Variants in VTI1A observed in about 807,000 individuals in gnomAD.
The protein encoded by VTI1A is vesicle transport through interaction with t-SNAREs 1A, also known as vesicle transport through interaction with t-SNAREs homolog 1A.
Under a neutral mutation model 34.9 loss-of-function variants are expected in VTI1A, and 22 were observed. That is an observed-to-expected ratio of 0.63 (90% CI 0.45 to 0.90). VTI1A has a LOEUF of 0.90. Among genes scored for constraint, VTI1A ranks in the 40% least tolerant of loss-of-function variants. The probability of loss-of-function intolerance (pLI) is 0.00; values close to 1 mark genes in which losing one functional copy is unlikely to be tolerated. For missense variants in VTI1A, 268 were observed against 275.6 expected, an observed-to-expected ratio of 0.97 and a Z score of 0.20; for synonymous variants, 87 against 97.3, an observed-to-expected ratio of 0.89 and a Z score of 0.62.
intron 5 of VTI1A, among the ~76,000 whole-genome samples, chr10:112,572,784 A>C (rs1852189284): frequency 6.6e-6 from 1 of 150,514 alleles, no homozygotes; most frequent in Admixed American, 6.7e-5. Flanking sequence ...GCTTGCAGTG[A>C]GCCGAGATCG....
intron 5 of VTI1A, among the ~76,000 whole-genome samples, chr10:112,572,748 A>T (rs1372114769): frequency 2.0e-5 from 3 of 151,694 alleles, no homozygotes; most frequent in Non-Finnish European, 2.9e-5. Flanking sequence ...TGAAGGCAGG[A>T]GAACGGCGTG....
chr10:112,844,349 C>T, the VTI1A span, among the ~76,000 whole-genome samples: 6 of 152,204 alleles, frequency 3.9e-5, no homozygotes, highest in Admixed American at 6.5e-5. Flanking sequence ...GAGAACCAAA[C>T]ATGAAGCCTG....
At chr10:112,449,101 C>G (rs1847126203) in intron 1 of VTI1A, 1 of 152,216 alleles carries the variant, frequency 6.6e-6, no homozygotes, top group African/African-American at 2.4e-5. Context: ...CATGATACAT[C>G]ACCTCGCCTC....
chr10:112,790,269 G>A (rs542655704), intron 7 of VTI1A, among the ~76,000 whole-genome samples: 31 of 152,312 alleles, frequency 2.0e-4, no homozygotes, highest in African/African-American at 7.5e-4. Context: ...AGTGATCTGT[G>A]TGTGGGTTGC....
intron 5 of VTI1A, chr10:112,548,648 T>C: frequency 9.1e-7 from 1 of 1,094,206 alleles, no homozygotes; most frequent in East Asian, 2.4e-5. Context: ...CTGAGCTTTC[T>C]GGGAAGACTT....
intron 5 of VTI1A, chr10:112,548,891 T>C: frequency 1.6e-6 from 2 of 1,233,980 alleles, no homozygotes; most frequent in Non-Finnish European, 2.3e-6. Context: ...TAAAAAATCA[T>C]TTTAGAAGTT....
intron 7 of VTI1A, among the ~76,000 whole-genome samples, chr10:112,806,309 G>C (rs529915590): frequency 6.6e-6 from 1 of 151,804 alleles, no homozygotes; most frequent in Admixed American, 6.6e-5. Flanking sequence ...TTTTTGAGAC[G>C]GAGTCTCACT....
At chr10:112,660,919 T>G (rs1398732258) in intron 5 of VTI1A, among the ~76,000 whole-genome samples, 1 of 152,214 alleles carries the variant, frequency 6.6e-6, no homozygotes, top group East Asian at 1.9e-4. Context: ...TATCACTATT[T>G]TTATTTTAAA....
At chr10:112,681,430 C>T (rs1408193045) in intron 7 of VTI1A, among the ~76,000 whole-genome samples, 1 of 152,146 alleles carries the variant, frequency 6.6e-6, no homozygotes, top group Non-Finnish European at 1.5e-5. Flanking sequence ...AGACAGCAGA[C>T]CAAATCCAGC....
intron 7 of VTI1A, among the ~76,000 whole-genome samples, chr10:112,789,620 T>G (rs1161962148): frequency 6.6e-6 from 1 of 152,198 alleles, no homozygotes; most frequent in African/African-American, 2.4e-5. Context: ...TCATCAGTCT[T>G]TTTTCCTTTT....
chr10:112,730,203 G>C (rs1402895134), intron 7 of VTI1A, among the ~76,000 whole-genome samples: 1 of 152,156 alleles, frequency 6.6e-6, no homozygotes, highest in African/African-American at 2.4e-5. Flanking sequence ...AAGGGGGAGA[G>C]GTTACAGCTA....
chr10:112,658,049 C>G (rs900812525), intron 5 of VTI1A, among the ~76,000 whole-genome samples: 1 of 152,098 alleles, frequency 6.6e-6, no homozygotes, highest in Admixed American at 6.6e-5. Flanking sequence ...CACCTCCCAA[C>G]TTCCTGCATT....
intron 3 of VTI1A, among the ~76,000 whole-genome samples, chr10:112,503,656 T>C (rs1849321835): frequency 6.6e-6 from 1 of 152,188 alleles, no homozygotes; most frequent in Non-Finnish European, 1.5e-5. Context: ...GGACAACCAT[T>C]ATATTAATGT....
intron 5 of VTI1A, among the ~76,000 whole-genome samples, chr10:112,560,494 T>C (rs897245628): frequency 6.6e-6 from 1 of 152,142 alleles, no homozygotes; most frequent in Non-Finnish European, 1.5e-5. Context: ...CATTACTCAT[T>C]TTTTGTTTGC....
In VTI1A at chr10:112,592,185, T is replaced by G. The variant is rs921405488; in HGVS notation, c.427+53855T>G. On this transcript the variant is annotated intron_variant, in intron 5 of 7. Coordinates refer to ENST00000393077, the MANE Select transcript of VTI1A (RefSeq NM_145206.4). ...GATACATCCCCACAACCACTGGAAATGAACACAGCCTGGGCAACACCTTGA... is the reference window on the plus strand; with the variant it reads ...GATACATCCCCACAACCACTGGAAAGGAACACAGCCTGGGCAACACCTTGA... Among the ~76,000 whole-genome samples the G allele has an allele frequency of 4.6e-5, 7 of 152,158 alleles. 1 individual carries two copies. Among genetic ancestry groups the G allele is most frequent in the African/African-American group, 1.2e-4 (5 of 41,430 alleles).
chr10:112,683,888 C>T (rs975553634), intron 7 of VTI1A, among the ~76,000 whole-genome samples: 4 of 152,040 alleles, frequency 2.6e-5, no homozygotes, highest in Non-Finnish European at 5.9e-5. Context: ...ACTAAAAGTA[C>T]AAAAATTGGC....
intron 5 of VTI1A, among the ~76,000 whole-genome samples, chr10:112,659,343 G>T (rs1847358932): frequency 6.6e-6 from 1 of 152,150 alleles, no homozygotes; most frequent in Non-Finnish European, 1.5e-5. Flanking sequence ...TGCTGCTCAA[G>T]TCTCATTTTA....
At chr10:112,670,551 C>T (rs1004913736) in intron 7 of VTI1A, among the ~76,000 whole-genome samples, 9 of 152,072 alleles carry the variant, frequency 5.9e-5, no homozygotes, top group African/African-American at 2.2e-4. Context: ...CCCTTTAGTG[C>T]GGGACACTGC....
chr10:112,554,614 T>C (rs116475866), intron 5 of VTI1A, among the ~76,000 whole-genome samples: 2,629 of 152,270 alleles, frequency 0.017, 31 homozygotes, highest in South Asian at 0.027. Context: ...TGAGTACCCA[T>C]CATGTAATAT....
Sources: allele counts gnomAD v4.1 joint callset (sites outside exome capture counted in the v4.1 genomes callset), GRCh38; gene constraint gnomAD v4.1.1; transcripts MANE v1.5; gene names NCBI Gene and HGNC (gene_info 2026-07-23, HGNC 2026-07-21).